The following PXMP4 variants were observed in gnomAD, a reference collection of about 807,000 sequenced individuals.
PXMP4 encodes the protein peroxisomal membrane protein 4, also known as 24 kDa peroxisomal intrinsic membrane protein.
In PXMP4, 16 loss-of-function variants were observed where a neutral mutation model predicts 21.6. The observed-to-expected ratio is 0.74, with a 90% confidence interval of 0.50 to 1.13. The LOEUF is 1.13. PXMP4 is among the 50% of genes most tolerant of loss of function. PXMP4 has a pLI of 0.00. For synonymous variants in PXMP4, 127 were observed against 123.8 expected (o/e 1.03, Z -0.17); for missense variants, 240 against 277.7 (o/e 0.86, Z 0.96).
chr20:33,707,846 C>T lies in PXMP4; in HGVS notation c.499G>A (p.Val167Met), dbSNP rs770423521. The T allele has an allele frequency of 6.2e-7, 1 of 1,614,114 alleles. No individual in the cohort carries two copies. Among genetic ancestry groups the T allele is most frequent in the South Asian group, 1.1e-5 (1 of 91,076 alleles). ...CGGTGATACTCAAAGAGCCACAGCA[C>T]CAGCCCCCACACCACCGCAGTGAGC... Reference protein sequence around the residue: ...PLLTAVVWGLVLWLFEYHRST... With the variant: ...PLLTAVVWGLMLWLFEYHRST... The change falls in exon 4 of 4, where the codon GTG (valine) becomes ATG (methionine). Residue 167 changes from valine to methionine, a missense_variant. Transcript: ENST00000409299.
chr20:33,719,814 G>A (rs1307362547), intron 1 of PXMP4, among the ~76,000 whole-genome samples: 2 of 152,234 alleles, frequency 1.3e-5, no homozygotes, highest in Non-Finnish European at 2.9e-5. Flanking sequence ...GAACCCAAAT[G>A]AGGGGATACA....
chr20:33,717,564 C>G (rs990294240), intron 1 of PXMP4, among the ~76,000 whole-genome samples: 1 of 138,626 alleles, frequency 7.2e-6, no homozygotes, highest in African/African-American at 2.8e-5. Flanking sequence ...GGCGTGAACC[C>G]GGGAGGCGGA....
Position 33,720,254 on chromosome 20 carries a change from G to A in PXMP4, c.-47C>T. 1 of 1,526,788 alleles carries A rather than the reference G, an allele frequency of 6.5e-7. No homozygotes were observed. The highest frequency in any genetic ancestry group is 8.9e-7 in the Non-Finnish European group (1 of 1,120,706). 94.6% of individuals were successfully genotyped at this position (1,526,788 alleles called of 1,614,324 possible). On this transcript the variant is annotated 5_prime_UTR_variant, in exon 1 of 4. Coordinates refer to ENST00000409299, the MANE Select transcript of PXMP4 (RefSeq NM_007238.5). The stretch of plus-strand genomic sequence containing the variant: ...CGGGGTTAGGAACTGTAAGCGCACT[G>A]ACAGCCGGAGGTTCCAGCTGCGCGC...
intron 3 of PXMP4, among the ~76,000 whole-genome samples, chr20:33,708,541 TA>T (rs568305645): frequency 0.019 from 2,703 of 139,284 alleles, 24 homozygotes; most frequent in Middle Eastern, 0.047. Context: ...TGGATGTAGT[TA>T]AAAAAAAAAA....
In PXMP4 at chr20:33,720,278, G is replaced by T; in HGVS notation, c.-71C>A. Reference sequence around the variant, plus strand: ...TGACAGCCGGAGGTTCCAGCTGCGCGCCCACAGCCCCTCGGTAGCGCCGCC... The same window carrying T: ...TGACAGCCGGAGGTTCCAGCTGCGCTCCCACAGCCCCTCGGTAGCGCCGCC... On this transcript the variant is annotated 5_prime_UTR_variant, in exon 1 of 4. Coordinates refer to ENST00000409299, the MANE Select transcript of PXMP4 (RefSeq NM_007238.5). The T allele has an allele frequency of 1.5e-6, 2 of 1,367,634 alleles. No homozygotes were observed. The highest frequency in any genetic ancestry group is 1.2e-5 in the South Asian group (1 of 80,338). 84.7% of individuals were successfully genotyped at this position (1,367,634 alleles called of 1,614,324 possible).
Position 33,706,253 on chromosome 20 carries a change from T to C in PXMP4, c.*1453A>G, listed in dbSNP as rs2018255831. On this transcript the variant is annotated 3_prime_UTR_variant, in exon 4 of 4. Transcript: ENST00000409299. ...ACCCTCAGTTTCTACATCTGTAAAATGGGGACGAAAACACACATTTGCAAG... is the reference window on the plus strand; with the variant it reads ...ACCCTCAGTTTCTACATCTGTAAAACGGGGACGAAAACACACATTTGCAAG... 6.6e-6 allele frequency: 1 copy of C among 151,640 alleles called. No individual in the cohort carries two copies. Among genetic ancestry groups the C allele is most frequent in the Admixed American group, 6.6e-5 (1 of 15,218 alleles). The allele number at this position is 151,640 out of a possible 1,614,324, so 9.4% of individuals were successfully genotyped here. A position where few individuals can be genotyped will look rare whatever the true frequency, so the allele number is the denominator to read the frequency against.
rs756546916 is a variant in PXMP4 at position 33,714,664 on chromosome 20, G to C, written c.176+10C>G. 5.0e-6 allele frequency: 8 copies of C among 1,613,124 alleles called. No homozygotes were observed. Among genetic ancestry groups the C allele is most frequent in the Non-Finnish European group, 6.8e-6 (8 of 1,179,208 alleles). On this transcript the variant is annotated intron_variant, in intron 2 of 3. Coordinates refer to ENST00000409299, the MANE Select transcript of PXMP4 (RefSeq NM_007238.5). ...TGACCACATTCTCTCCCAGTTTGAG[G>C]GATGTGTACCTGCCATTCCGGAAGA...
intron 2 of PXMP4, among the ~76,000 whole-genome samples, chr20:33,712,675 G>A (rs1292192232): frequency 6.6e-6 from 1 of 152,194 alleles, no homozygotes; most frequent in Non-Finnish European, 1.5e-5. Context: ...GTGTGGCCCA[G>A]GCTGGAGCGC....
Position 33,707,970 on chromosome 20 carries a change from C to T in PXMP4, c.376-1G>A. ...CGCGTGACAACAGGTACATGTTGAT[C>T]TGCAAAGAGGGAATGATGGGAATTA... On this transcript the variant is annotated splice_acceptor_variant, in intron 3 of 3. Transcript: ENST00000409299. LOFTEE classifies it high-confidence loss of function. 1 of 1,611,026 alleles carries T rather than the reference C, an allele frequency of 6.2e-7. No individual in the cohort carries two copies. The highest frequency in any genetic ancestry group is 8.5e-7 in the Non-Finnish European group (1 of 1,177,592).
intron 2 of PXMP4, among the ~76,000 whole-genome samples, chr20:33,714,468 G>A (rs1282485032): frequency 3.3e-5 from 5 of 152,012 alleles, no homozygotes; most frequent in South Asian, 2.1e-4. Flanking sequence ...GCAGTGAACC[G>A]AGATCATCAC....
rs1047115073 is a variant in PXMP4 at position 33,702,935 on chromosome 20, A to C, written c.*4771T>G. ...ATCCCTGTTTTACAGGTCTTAGAGA[A>C]TGGAGGGCAGCTAGGAAGGAGCCAA... On this transcript the variant is annotated 3_prime_UTR_variant, in exon 4 of 4. Transcript: ENST00000409299. 1 of 152,140 alleles carries C rather than the reference A, an allele frequency of 6.6e-6. No individual in the cohort carries two copies. Among genetic ancestry groups the C allele is most frequent in the Non-Finnish European group, 1.5e-5 (1 of 68,018 alleles). 9.4% of individuals were successfully genotyped at this position (152,140 alleles called of 1,614,324 possible).
At chr20:33,710,461 C>T (rs1205948828) in intron 3 of PXMP4, 94 bp downstream of exon 3, 1 of 137,620 alleles carries the variant, frequency 7.3e-6, no homozygotes, top group Non-Finnish European at 1.4e-5. Flanking sequence ...TCCATCACCC[C>T]CACCTCTGTA....
rs982656306 is a variant in PXMP4 at position 33,703,414 on chromosome 20, G to C, written c.*4292C>G. ...GAGGCACAGAATGGCTCAGTCACTTGCCCAAGGAAACTGTGGGGCCAGGGC... is the reference window on the plus strand; with the variant it reads ...GAGGCACAGAATGGCTCAGTCACTTCCCCAAGGAAACTGTGGGGCCAGGGC... On this transcript the variant is annotated 3_prime_UTR_variant, in exon 4 of 4. Coordinates refer to ENST00000409299, the MANE Select transcript of PXMP4 (RefSeq NM_007238.5). 2.0e-5 allele frequency: 3 copies of C among 152,244 alleles called. No homozygotes were observed. Among genetic ancestry groups the C allele is most frequent in the Non-Finnish European group, 2.9e-5 (2 of 68,058 alleles). The allele number at this position is 152,244 out of a possible 1,614,324, so 9.4% of individuals were successfully genotyped here.
At chr20:33,716,827 G>C (rs1028886019) in intron 1 of PXMP4, among the ~76,000 whole-genome samples, 1 of 152,240 alleles carries the variant, frequency 6.6e-6, no homozygotes, top group East Asian at 1.9e-4. Flanking sequence ...CCCTAAAACA[G>C]CTGTTAGGTA....
At chr20:33,718,893 A>T (rs2018415378) in intron 1 of PXMP4, among the ~76,000 whole-genome samples, 2 of 152,158 alleles carry the variant, frequency 1.3e-5, no homozygotes, top group South Asian at 4.1e-4. Flanking sequence ...GGCCTCATGA[A>T]ACTTTCTTTT....
intron 2 of PXMP4, among the ~76,000 whole-genome samples, chr20:33,714,450 C>T (rs2018362709): frequency 6.6e-6 from 1 of 150,546 alleles, no homozygotes; most frequent in South Asian, 2.1e-4. Context: ...ACCCCAGAGG[C>T]GGAGGTTGCA....
In PXMP4 at chr20:33,705,773, G is replaced by A. The variant is rs2018251226; in HGVS notation, c.*1933C>T. 1 of 152,090 alleles carries A rather than the reference G, an allele frequency of 6.6e-6. No individual in the cohort carries two copies. The highest frequency in any genetic ancestry group is 1.5e-5 in the Non-Finnish European group (1 of 68,014). The allele number at this position is 152,090 out of a possible 1,614,324, so 9.4% of individuals were successfully genotyped here. A position where few individuals can be genotyped will look rare whatever the true frequency, so the allele number is the denominator to read the frequency against. On this transcript the variant is annotated 3_prime_UTR_variant, in exon 4 of 4. Coordinates refer to ENST00000409299, the MANE Select transcript of PXMP4 (RefSeq NM_007238.5). The stretch of plus-strand genomic sequence containing the variant: ...TAATGAGCTAACATTTGCATAGCAT[G>A]GCTTAGGTTTCTAAATTTGAAACAA...
At chr20:33,710,484 C>T in intron 3 of PXMP4, 71 bp downstream of exon 3, 1 of 412,316 alleles carries the variant, frequency 2.4e-6, no homozygotes, top group Non-Finnish European at 3.8e-6. Flanking sequence ...GAACCACGCC[C>T]CCTTCTGTCA....
At chr20:33,717,669 T>C (rs1181706490) in intron 1 of PXMP4, among the ~76,000 whole-genome samples, 1 of 147,370 alleles carries the variant, frequency 6.8e-6, no homozygotes, top group Non-Finnish European at 1.5e-5. Flanking sequence ...TTATTAAATA[T>C]TTTAAATGTT....
Sources: gnomAD v4.1 joint callset for allele counts (sites outside exome capture counted in the v4.1 genomes callset) on GRCh38, gnomAD v4.1.1 for gene constraint, MANE v1.5 for transcripts, NCBI Gene and HGNC (gene_info 2026-07-23, HGNC 2026-07-21) for gene names.